The following GTF3C1 variants were observed in gnomAD, a reference collection of about 807,000 sequenced individuals.
The protein encoded by GTF3C1 is general transcription factor IIIC subunit 1.
In GTF3C1, 57 loss-of-function variants were observed where a neutral mutation model predicts 226.7. The ratio of observed to expected loss-of-function variants is 0.25; its 90% CI spans 0.20 to 0.31. The LOEUF (loss-of-function observed/expected upper bound fraction) is 0.31, where lower values mean the gene tolerates loss of function less well. Ranked by LOEUF, GTF3C1 falls within the 10% of genes least tolerant of loss-of-function variation. The pLI, the probability that GTF3C1 is intolerant of heterozygous loss-of-function variation, is 1.00. For missense variants in GTF3C1, 2,217 were observed against 2,776.1 expected, an observed-to-expected ratio of 0.80 and a Z score of 4.53; for synonymous variants, 1,090 against 1,084.8, an observed-to-expected ratio of 1.00 and a Z score of -0.09.
intron 27 of GTF3C1, 167 bp from the exon 28 acceptor site, chr16:27,478,698 C>A (rs948567070): frequency 2.2e-5 from 14 of 637,498 alleles, no homozygotes; most frequent in Middle Eastern, 2.5e-4. Flanking sequence ...TGAGAATATA[C>A]CCTGTCCTGC....
chr16:27,531,810 C>G (rs770465656), intron 5 of GTF3C1, among the ~76,000 whole-genome samples: 2 of 152,168 alleles, frequency 1.3e-5, no homozygotes, highest in Non-Finnish European at 2.9e-5. Flanking sequence ...TTAATCCACA[C>G]GGTGGCCAGG....
At chr16:27,543,554 T>C (rs903447144) in intron 2 of GTF3C1, among the ~76,000 whole-genome samples, 7 of 152,112 alleles carry the variant, frequency 4.6e-5, no homozygotes, top group East Asian at 1.9e-4. Context: ...TATGCCCAGC[T>C]AGTTTTTTGT....
At chr16:27,531,347 C>T (rs1384578611) in intron 5 of GTF3C1, among the ~76,000 whole-genome samples, 1 of 152,198 alleles carries the variant, frequency 6.6e-6, no homozygotes, top group African/African-American at 2.4e-5. Context: ...GCCTTTGCAC[C>T]AGCTCTTCTC....
At chr16:27,472,032 C>G in intron 29 of GTF3C1, 112 bp from the exon 30 acceptor site, 1 of 873,420 alleles carries the variant, frequency 1.1e-6, no homozygotes, top group East Asian at 2.6e-5. Flanking sequence ...AGTGACCGAT[C>G]GTGGGAGGCC....
intron 4 of GTF3C1, 39 bp downstream of exon 4, chr16:27,537,745 A>T (rs2089022316): frequency 6.7e-7 from 1 of 1,498,998 alleles, no homozygotes; most frequent in Admixed American, 1.9e-5. Context: ...ACATGGCTGC[A>T]ACTAAAAAAC....
Position 27,537,888 on chromosome 16 carries a change from C to T in GTF3C1, c.648G>A (p.Leu216=), listed in dbSNP as rs760797039. Residue 216 remains leucine (L), a synonymous_variant, in exon 4 of 37, where the codon TTG becomes TTA. Transcript: ENST00000356183. ...GCATTGTAATCAGCCCGTTTTTGTTCAAAATTTTTCTGTGATAGTGCAGCT... is the reference window on the plus strand; with the variant it reads ...GCATTGTAATCAGCCCGTTTTTGTTTAAAATTTTTCTGTGATAGTGCAGCT... ...AGKLHYHRKI[L]NKNGLITMQS... The T allele has an allele frequency of 3.1e-6, 5 of 1,613,996 alleles. No individual in the cohort carries two copies. The East Asian group carries it at 8.9e-5, about 29-fold the overall frequency.
intron 13 of GTF3C1, 111 bp from the exon 14 acceptor site, chr16:27,497,932 A>G (rs1596634964): frequency 8.2e-6 from 7 of 848,486 alleles, no homozygotes; most frequent in Non-Finnish European, 1.1e-5. Flanking sequence ...GGGGTTTCAA[A>G]TTCTGCTCCT....
intron 33 of GTF3C1, 67 bp downstream of exon 33, chr16:27,465,193 G>A: frequency 7.0e-7 from 1 of 1,432,872 alleles, no homozygotes; most frequent in Non-Finnish European, 9.8e-7. Context: ...CATCCTCAGT[G>A]TGCACCTGGC....
rs1177556372 is a variant in GTF3C1 at position 27,461,266 on chromosome 16, C to G, written c.*84G>C. 3 of 855,910 alleles carry G rather than the reference C, an allele frequency of 3.5e-6. No individual in the cohort carries two copies. The highest frequency in any genetic ancestry group is 3.6e-6 in the Non-Finnish European group (2 of 547,952). 53.0% of individuals were successfully genotyped at this position (855,910 alleles called of 1,614,324 possible). A position where few individuals can be genotyped will look rare whatever the true frequency, so the allele number is the denominator to read the frequency against. ...GCAGGAGGCTCGGCAGACCCAAGGCCAGGGCACAGTGGGGTCTGCCGAGCA... is the reference window on the plus strand; with the variant it reads ...GCAGGAGGCTCGGCAGACCCAAGGCGAGGGCACAGTGGGGTCTGCCGAGCA... On this transcript the variant is annotated 3_prime_UTR_variant, in exon 37 of 37. Transcript: ENST00000356183. The surrounding 1 kb of genome is among the most constrained non-coding windows in gnomAD (Gnocchi z 5.3).
chr16:27,481,797 G>A (rs562414447), intron 26 of GTF3C1, among the ~76,000 whole-genome samples: 4 of 152,250 alleles, frequency 2.6e-5, no homozygotes, highest in African/African-American at 9.6e-5. Context: ...CCAGCCCCAC[G>A]GCTCCCTCTC....
chr16:27,542,690 T>C (rs1416359169), intron 2 of GTF3C1, among the ~76,000 whole-genome samples: 4 of 151,864 alleles, frequency 2.6e-5, no homozygotes, highest in African/African-American at 9.7e-5. Context: ...GAGAAGAAAA[T>C]GAGTCTCCTT....
In GTF3C1 at chr16:27,507,253, T is replaced by C. The variant is rs1481840459; in HGVS notation, c.1243-97A>G. ...GGCATCTATTTCCTTATTGGCTTTC[T>C]TCTGTTTCTCCTGTCTTACTGCCTG... On this transcript the variant is annotated intron_variant, in intron 8 of 36. Transcript: ENST00000356183. The surrounding 1 kb of genome is among the most constrained non-coding windows in gnomAD (Gnocchi z 4.9). 7.5e-6 allele frequency: 7 copies of C among 939,250 alleles called. No homozygotes were observed. Among genetic ancestry groups the C allele is most frequent in the African/African-American group, 3.3e-5 (2 of 60,936 alleles). The allele number at this position is 939,250 out of a possible 1,614,324, so 58.2% of individuals were successfully genotyped here.
At chr16:27,485,296 G>A (rs989042200) in intron 24 of GTF3C1, among the ~76,000 whole-genome samples, 1 of 152,240 alleles carries the variant, frequency 6.6e-6, no homozygotes, top group Non-Finnish European at 1.5e-5. Flanking sequence ...TGGCACTACT[G>A]CCTGGAAGGG....
intron 5 of GTF3C1, among the ~76,000 whole-genome samples, chr16:27,532,282 T>G (rs980824139): frequency 6.6e-6 from 1 of 152,044 alleles, no homozygotes; most frequent in East Asian, 1.9e-4. Flanking sequence ...AGACACCTCC[T>G]CCCCCTGTGA....
At chr16:27,513,800 T>G (rs2088613003) in intron 6 of GTF3C1, among the ~76,000 whole-genome samples, 1 of 152,100 alleles carries the variant, frequency 6.6e-6, no homozygotes, top group African/African-American at 2.4e-5. Context: ...CATCAGCACA[T>G]CGATGCACAG....
At chr16:27,496,814 G>A (rs2088325638) in intron 14 of GTF3C1, among the ~76,000 whole-genome samples, 1 of 152,246 alleles carries the variant, frequency 6.6e-6, no homozygotes. Flanking sequence ...CAGCAAGAGG[G>A]TGCAGGACAG....
At chr16:27,476,227 C>T (rs965871503) in intron 29 of GTF3C1, among the ~76,000 whole-genome samples, 1 of 152,176 alleles carries the variant, frequency 6.6e-6, no homozygotes, top group Non-Finnish European at 1.5e-5. Context: ...GCAATGTATA[C>T]GTACATCAAA....
intron 7 of GTF3C1, among the ~76,000 whole-genome samples, chr16:27,510,492 G>C (rs1038340249): frequency 6.6e-6 from 1 of 152,070 alleles, no homozygotes; most frequent in Non-Finnish European, 1.5e-5. Context: ...GGGAGGCGGA[G>C]GCTGCAGTGA....
chr16:27,483,786 A>G (rs2088093360), intron 25 of GTF3C1, among the ~76,000 whole-genome samples: 2 of 152,188 alleles, frequency 1.3e-5, no homozygotes, highest in Admixed American at 6.5e-5. Flanking sequence ...ATCCTGTCCA[A>G]TGATCCCAGG....
Sources: gnomAD v4.1 joint callset for allele counts (sites outside exome capture counted in the v4.1 genomes callset) on GRCh38, gnomAD v4.1.1 for gene constraint, Gnocchi (gnomAD v3.1) non-coding constraint, MANE v1.5 for transcripts, NCBI Gene and HGNC (gene_info 2026-07-23, HGNC 2026-07-21) for gene names.